TRHDE: variants seen among roughly 807,000 people sequenced by gnomAD.
TRHDE encodes the protein thyrotropin-releasing hormone-degrading ectoenzyme.
Under a neutral mutation model 125.7 loss-of-function variants are expected in TRHDE, and 72 were observed. The ratio of observed to expected loss-of-function variants is 0.57; its 90% CI spans 0.47 to 0.70. The LOEUF (loss-of-function observed/expected upper bound fraction) is 0.70, where lower values mean the gene tolerates loss of function less well. TRHDE is among the 30% of genes least tolerant of loss of function. The pLI, the probability that TRHDE is intolerant of heterozygous loss-of-function variation, is 0.00. For missense variants in TRHDE, 1,110 were observed against 1,327.1 expected (o/e 0.84, Z 2.54); for synonymous variants, 509 against 509.1 (o/e 1.00, Z 0.00).
At chr12:72,227,230 G>A (rs543483717) in intron 2 of TRHDE, among the ~76,000 whole-genome samples, 21 of 152,240 alleles carry the variant, frequency 1.4e-4, no homozygotes, top group Admixed American at 1.4e-3. Context: ...ACATACCTAA[G>A]ACTGGAAATT....
chr12:72,219,339 T>C (rs900973635), intron 2 of TRHDE, among the ~76,000 whole-genome samples: 1 of 152,148 alleles, frequency 6.6e-6, no homozygotes, highest in Non-Finnish European at 1.5e-5. Flanking sequence ...TAAGTGCTTA[T>C]TTTGTGCCCA....
At chr12:72,587,536 C>T (rs559242628) in intron 12 of TRHDE, among the ~76,000 whole-genome samples, 1 of 151,978 alleles carries the variant, frequency 6.6e-6, no homozygotes, top group South Asian at 2.1e-4. Context: ...AAAGATAGAG[C>T]CATAACACTT....
chr12:72,274,587 G>T (rs1435842468), intron 1 of TRHDE: 2 of 152,208 alleles, frequency 1.3e-5, no homozygotes, highest in African/African-American at 4.8e-5. Flanking sequence ...ACCCTATGAG[G>T]TAGACGCTAT....
intron 2 of TRHDE, among the ~76,000 whole-genome samples, chr12:72,174,273 A>C (rs1206702195): frequency 6.6e-6 from 1 of 152,134 alleles, no homozygotes; most frequent in Non-Finnish European, 1.5e-5. Context: ...AGCTGAACCC[A>C]CCCAGAATAT....
At position 72,306,979 on chromosome 12, in the gene TRHDE, G is replaced by A. The variant is rs375898488; in HGVS notation, c.1188+20025G>A. 2.0e-4 allele frequency among the ~76,000 whole-genome samples: 30 copies of A among 152,262 alleles called. 1 individual carries two copies. In the East Asian group the frequency reaches 4.6e-3, roughly 24 times the overall value. ...GTTGAGGCAGAGGAATGCCTAGAAT[G>A]TTTCAGGTGTTGCAAAGGCATTAGG... On this transcript the variant is annotated intron_variant, in intron 2 of 18. Transcript: ENST00000261180.
At chr12:72,504,554 A>G (rs1011759981) in intron 6 of TRHDE, among the ~76,000 whole-genome samples, 4 of 152,120 alleles carry the variant, frequency 2.6e-5, no homozygotes, top group Admixed American at 2.6e-4. Flanking sequence ...TGCCTGCCTC[A>G]GCCTCCCAAA....
chr12:72,313,024 AT>A lies in TRHDE; in HGVS notation c.1188+26075del, dbSNP rs1868619179. On this transcript the variant is annotated intron_variant, in intron 2 of 18. Coordinates refer to ENST00000261180, the MANE Select transcript of TRHDE (RefSeq NM_013381.3). ...CTCTTGGTTTTTAGCCATTTGAAATATTTTTACTCATGTGATATAAGCCTTT... is the reference window on the plus strand; with the variant it reads ...CTCTTGGTTTTTAGCCATTTGAAATATTTTACTCATGTGATATAAGCCTTT... 1.3e-5 allele frequency among the ~76,000 whole-genome samples: 2 copies of A among 151,812 alleles called. 1 individual carries two copies. The highest frequency in any genetic ancestry group is 1.3e-4 in the Admixed American group (2 of 15,222).
chr12:72,112,609 A>G (rs1251618097), intron 2 of TRHDE, among the ~76,000 whole-genome samples: 1 of 152,156 alleles, frequency 6.6e-6, no homozygotes, highest in Non-Finnish European at 1.5e-5. Flanking sequence ...TTTTCAACAC[A>G]CTTTCATAGA....
intron 2 of TRHDE, among the ~76,000 whole-genome samples, chr12:72,170,778 A>G (rs1156317418): frequency 6.6e-6 from 1 of 152,180 alleles, no homozygotes; most frequent in East Asian, 1.9e-4. Flanking sequence ...TGAATGCTTA[A>G]AAAGGTAAAG....
chr12:72,413,912 T>C (rs1408221323), intron 3 of TRHDE, among the ~76,000 whole-genome samples: 1 of 152,102 alleles, frequency 6.6e-6, no homozygotes, highest in African/African-American at 2.4e-5. Flanking sequence ...TATAAAATTG[T>C]GTGATATTAG....
At chr12:72,650,532 AC>A (rs1293845114) in intron 15 of TRHDE, among the ~76,000 whole-genome samples, 8 of 152,026 alleles carry the variant, frequency 5.3e-5, no homozygotes, top group Admixed American at 1.3e-4. Flanking sequence ...TATAGGTGAT[AC>A]AAAAAACCTG....
At chr12:72,597,713 G>GTA (rs762515309) in intron 12 of TRHDE, among the ~76,000 whole-genome samples, 764 of 18,242 alleles carry the variant, frequency 0.042, 9 homozygotes, top group Middle Eastern at 0.12. Context: ...GTGTGTGTAT[G>GTA]TATATATATA....
intron 2 of TRHDE, among the ~76,000 whole-genome samples, chr12:72,363,888 A>G (rs1871229982): frequency 2.0e-5 from 3 of 152,010 alleles, no homozygotes; most frequent in Admixed American, 6.6e-5. Flanking sequence ...TCTCAGCCCA[A>G]AATCTCCTTA....
At chr12:72,617,241 G>A (rs1385171360) in intron 12 of TRHDE, among the ~76,000 whole-genome samples, 1 of 152,096 alleles carries the variant, frequency 6.6e-6, no homozygotes, top group Non-Finnish European at 1.5e-5. Context: ...TGTGAAATAT[G>A]AACCTGTGGT....
chr12:72,605,566 T>C (rs1872404206), intron 12 of TRHDE, among the ~76,000 whole-genome samples: 1 of 152,162 alleles, frequency 6.6e-6, no homozygotes, highest in Admixed American at 6.6e-5. Context: ...TTTTTCTATC[T>C]CACTGGTAAT....
chr12:72,146,255 C>G (rs1334629369), intron 2 of TRHDE, among the ~76,000 whole-genome samples: 3 of 152,140 alleles, frequency 2.0e-5, no homozygotes, highest in Non-Finnish European at 4.4e-5. Flanking sequence ...AGTTGTCATC[C>G]TTGTCCGTGT....
chr12:72,343,429 G>A (rs1870173131), intron 2 of TRHDE, among the ~76,000 whole-genome samples: 1 of 152,060 alleles, frequency 6.6e-6, no homozygotes, highest in Non-Finnish European at 1.5e-5. Flanking sequence ...GAATGGACTT[G>A]TATAGTTCAA....
At chr12:72,385,994 G>A (rs1454595026) in intron 3 of TRHDE, among the ~76,000 whole-genome samples, 1 of 152,158 alleles carries the variant, frequency 6.6e-6, no homozygotes, top group African/African-American at 2.4e-5. Flanking sequence ...GTAACTACGT[G>A]TACATTGTGC....
At chr12:72,583,390 G>T (rs1235407578) in intron 12 of TRHDE, among the ~76,000 whole-genome samples, 2 of 152,068 alleles carry the variant, frequency 1.3e-5, no homozygotes, top group Admixed American at 1.3e-4. Context: ...ATTCCCAAAA[G>T]ATCACATTTC....
Sources: gnomAD v4.1 joint callset for allele counts (sites outside exome capture counted in the v4.1 genomes callset) on GRCh38, gnomAD v4.1.1 for gene constraint, MANE v1.5 for transcripts, NCBI Gene and HGNC (gene_info 2026-07-23, HGNC 2026-07-21) for gene names.